The following TENT2 variants were observed in gnomAD, a reference collection of about 807,000 sequenced individuals.
The protein encoded by TENT2 is terminal nucleotidyltransferase 2, also known as poly(A) RNA polymerase GLD2.
TENT2 carries 44 observed loss-of-function variants against 72.2 expected under a neutral mutation model. The observed-to-expected ratio is 0.61, with a 90% CI of 0.48 to 0.78. The LOEUF is 0.78. TENT2 is among the 30% of genes least tolerant of loss of function. The probability of loss-of-function intolerance (pLI) is 0.00; values close to 1 mark genes in which losing one functional copy is unlikely to be tolerated. For missense variants in TENT2, 541 were observed against 569.6 expected (o/e 0.95, Z 0.51); for synonymous variants, 212 against 192.5 (o/e 1.10, Z -0.84).
chr5:79,655,668 A>T (rs1223562575), intron 10 of TENT2, among the ~76,000 whole-genome samples: 1 of 151,796 alleles, frequency 6.6e-6, no homozygotes, highest in Non-Finnish European at 1.5e-5. Context: ...TAGAATGTTG[A>T]GTATTTGAAT....
At chr5:79,664,169 C>T (rs1805358077) in intron 11 of TENT2, among the ~76,000 whole-genome samples, 1 of 152,096 alleles carries the variant, frequency 6.6e-6, no homozygotes, top group African/African-American at 2.4e-5. Flanking sequence ...CCCTGGAGCC[C>T]TGGAACCAGT....
intron 14 of TENT2, among the ~76,000 whole-genome samples, chr5:79,683,862 T>A (rs1192642328): frequency 1.6e-5 from 2 of 125,898 alleles, no homozygotes; most frequent in Non-Finnish European, 3.1e-5. Context: ...AGGCGGAGCT[T>A]GCAGTGAGCC....
intron 3 of TENT2, among the ~76,000 whole-genome samples, chr5:79,622,863 C>G (rs1766217505): frequency 6.6e-6 from 1 of 152,036 alleles, no homozygotes; most frequent in Non-Finnish European, 1.5e-5. Flanking sequence ...TCAAAGAGCC[C>G]TTTTTTATAA....
At position 79,623,480 on chromosome 5, in the gene TENT2, C is replaced by T; in HGVS notation, c.456C>T (p.Ala152=). The change falls in exon 4 of 15, where the codon GCC becomes GCT. Residue 152 remains alanine (A), a synonymous_variant. Transcript: ENST00000453514. ...CTAGAGAAATCACACTGCCTGAGGC[C>T]AAAGATAAGGTAATAATAATGTAGA... ...LEPREITLPE[A]KDKLSQQILE... The T allele has an allele frequency of 6.3e-7, 1 of 1,595,618 alleles. No homozygotes were observed. Among genetic ancestry groups the T allele is most frequent in the South Asian group, 1.1e-5 (1 of 89,296 alleles).
At chr5:79,656,119 T>G (rs1797778222) in intron 10 of TENT2, among the ~76,000 whole-genome samples, 1 of 152,002 alleles carries the variant, frequency 6.6e-6, no homozygotes, top group South Asian at 2.1e-4. Context: ...GAAAATGTAT[T>G]ACTTGTATTT....
At position 79,669,000 on chromosome 5, in the gene TENT2, T is replaced by A. The variant is rs1810717419; in HGVS notation, c.1180T>A (p.Phe394Ile). The A allele has an allele frequency of 4.3e-6, 7 of 1,613,838 alleles. No individual in the cohort carries two copies. Among genetic ancestry groups the A allele is most frequent in the Non-Finnish European group, 5.9e-6 (7 of 1,179,868 alleles). The part of the protein sequence containing the change: ...ESNLGDLLLG[F>I]LKYYATEFDW... Reference sequence around the variant, plus strand: ...AAACCTTGGGGACCTCTTACTGGGCTTTCTTAAATATTATGCTACAGAATT... The same window carrying A: ...AAACCTTGGGGACCTCTTACTGGGCATTCTTAAATATTATGCTACAGAATT... Residue 394 changes from phenylalanine (F) to isoleucine (I), a missense_variant, in exon 12 of 15, where the codon TTT becomes ATT. Transcript: ENST00000453514.
chr5:79,622,517 G>A (rs1029960585), intron 3 of TENT2, among the ~76,000 whole-genome samples: 1 of 151,976 alleles, frequency 6.6e-6, no homozygotes, highest in African/African-American at 2.4e-5. Context: ...ATATCTGTAT[G>A]CCTTTTGCCT....
At chr5:79,665,682 A>T (rs1807001873) in intron 11 of TENT2, among the ~76,000 whole-genome samples, 1 of 152,238 alleles carries the variant, frequency 6.6e-6, no homozygotes, top group Non-Finnish European at 1.5e-5. Flanking sequence ...AGAATAAGAT[A>T]CCAACCTAAA....
chr5:79,651,791 A>G (rs756649750), intron 10 of TENT2, among the ~76,000 whole-genome samples: 17 of 152,000 alleles, frequency 1.1e-4, no homozygotes, highest in Non-Finnish European at 2.5e-4. Flanking sequence ...TTATTTGACT[A>G]AAGTGTTTAT....
At chr5:79,675,963 GT>G (rs2150825928) in intron 12 of TENT2, among the ~76,000 whole-genome samples, 1 of 152,140 alleles carries the variant, frequency 6.6e-6, no homozygotes, top group African/African-American at 2.4e-5. Flanking sequence ...ACATTTAAAG[GT>G]TCAGATAGAA....
intron 4 of TENT2, among the ~76,000 whole-genome samples, chr5:79,638,213 G>A (rs1423412977): frequency 2.0e-5 from 3 of 151,878 alleles, no homozygotes; most frequent in East Asian, 1.9e-4. Context: ...GGCATTTTGG[G>A]CCAGATAATC....
In TENT2 at chr5:79,669,068, G is replaced by A. The variant is rs1001872298; in HGVS notation, c.1208+40G>A. On this transcript the variant is annotated intron_variant, in intron 12 of 14. Transcript: ENST00000453514. ...AAATTGTGTTTGTTCACTTATATGT[G>A]TGTGTGTGTGTATGTATGTATATAT... is the stretch of plus-strand genomic sequence containing the variant. 7 of 1,594,716 alleles carry A rather than the reference G, an allele frequency of 4.4e-6. No individual in the cohort carries two copies. In the Admixed American group the frequency reaches 6.7e-5, roughly 15 times the overall value.
rs143756569 is a variant in TENT2 at position 79,616,008 on chromosome 5, C to T, written c.-38+2933C>T. Among the ~76,000 whole-genome samples, 369 of 152,106 alleles carry T rather than the reference C, an allele frequency of 2.4e-3. 2 individuals are homozygous for T. The East Asian group carries it at 0.027, about 11-fold the overall frequency. ...GGTTCAAGCGATTCCCCTGCCTCAG[C>T]CTCCCAAGTAGCTGGGATTACAGGT... On this transcript the variant is annotated intron_variant, in intron 1 of 14. Transcript: ENST00000453514.
chr5:79,615,161 A>C (rs1195986533), intron 1 of TENT2: 1 of 152,230 alleles, frequency 6.6e-6, no homozygotes, highest in Non-Finnish European at 1.5e-5. Flanking sequence ...CTGTGGACTC[A>C]ATCTAAGTTT....
chr5:79,635,797 C>G (rs1245013807), intron 4 of TENT2, among the ~76,000 whole-genome samples: 1 of 152,176 alleles, frequency 6.6e-6, no homozygotes, highest in African/African-American at 2.4e-5. Flanking sequence ...CTCCGGCAGT[C>G]CGCCCACCTT....
chr5:79,624,779 A>G (rs999287820), intron 4 of TENT2, among the ~76,000 whole-genome samples: 4 of 152,224 alleles, frequency 2.6e-5, no homozygotes, highest in Non-Finnish European at 4.4e-5. Context: ...TTGTATGAAT[A>G]TACATCACTT....
intron 4 of TENT2, 124 bp from the exon 5 acceptor site, chr5:79,640,724 ATAT>A (rs1006630659): frequency 3.8e-5 from 20 of 521,088 alleles, no homozygotes; most frequent in Middle Eastern, 5.1e-4. Flanking sequence ...GTTTTGGGAA[ATAT>A]TAAGAAGATA....
intron 3 of TENT2, chr5:79,620,482 A>G (rs1011678319): frequency 6.5e-6 from 1 of 153,906 alleles, no homozygotes; most frequent in African/African-American, 2.4e-5. Flanking sequence ...TACACAACAG[A>G]AATTTATTTT....
chr5:79,643,754 A>G (rs1462118988), intron 7 of TENT2, among the ~76,000 whole-genome samples: 1 of 152,162 alleles, frequency 6.6e-6, no homozygotes, highest in Non-Finnish European at 1.5e-5. Context: ...TTGAATCAAA[A>G]TATTAAAAAT....
Sources: gnomAD v4.1 joint callset for allele counts (sites outside exome capture counted in the v4.1 genomes callset) on GRCh38, gnomAD v4.1.1 for gene constraint, MANE v1.5 for transcripts, NCBI Gene and HGNC (gene_info 2026-07-23, HGNC 2026-07-21) for gene names.